Variants in SUGCT observed in about 807,000 individuals in gnomAD.
The protein encoded by SUGCT is succinyl-CoA:glutarate CoA-transferase.
Under a neutral mutation model 55.0 loss-of-function variants are expected in SUGCT, and 41 were observed. The ratio of observed to expected loss-of-function variants is 0.74; its 90% CI spans 0.58 to 0.97. The LOEUF (loss-of-function observed/expected upper bound fraction) is 0.97. Among genes scored for constraint, SUGCT ranks in the 50% least tolerant of loss-of-function variants. The pLI is 0.00. For synonymous variants in SUGCT, 187 were observed against 200.4 expected (o/e 0.93, Z 0.56); for missense variants, 568 against 547.8 (o/e 1.04, Z -0.37).
intron 11 of SUGCT, among the ~76,000 whole-genome samples, chr7:40,485,232 C>T (rs1236186251): frequency 6.6e-6 from 1 of 151,798 alleles, no homozygotes; most frequent in Non-Finnish European, 1.5e-5. Flanking sequence ...TAGCACACTT[C>T]CTGTGTTTGT....
In SUGCT at chr7:40,829,498, C is replaced by G. The variant is rs749286036; in HGVS notation, c.1154-30818C>G. ...GGCAAAATGTTCACAAGTTAGAAATCTGGGTGGAGTGTCAGTTATTTTATT... is the reference window on the plus strand; with the variant it reads ...GGCAAAATGTTCACAAGTTAGAAATGTGGGTGGAGTGTCAGTTATTTTATT... On this transcript the variant is annotated intron_variant, in intron 13 of 13. Transcript: ENST00000335693. Among the ~76,000 whole-genome samples, 4 of 152,174 alleles carry G rather than the reference C, an allele frequency of 2.6e-5. No individual in the cohort carries two copies. In the East Asian group the frequency reaches 7.7e-4, roughly 29 times the overall value.
intron 8 of SUGCT, among the ~76,000 whole-genome samples, chr7:40,294,790 G>A (rs1411717851): frequency 3.3e-5 from 5 of 152,086 alleles, no homozygotes; most frequent in African/African-American, 9.7e-5. Flanking sequence ...CAGGTGGTCC[G>A]CACACCTCAG....
chr7:40,436,694 A>T (rs546874187), intron 9 of SUGCT, among the ~76,000 whole-genome samples: 1 of 152,314 alleles, frequency 6.6e-6, no homozygotes, highest in South Asian at 2.1e-4. Flanking sequence ...GAGATACAAC[A>T]AAGAGTACTT....
intron 12 of SUGCT, among the ~76,000 whole-genome samples, chr7:40,585,381 C>T (rs1479033877): frequency 2.0e-5 from 3 of 152,152 alleles, no homozygotes; most frequent in Non-Finnish European, 4.4e-5. Flanking sequence ...GCCTTCTTCT[C>T]TGAAAACACA....
At chr7:40,613,256 G>C (rs1798847255) in intron 12 of SUGCT, among the ~76,000 whole-genome samples, 1 of 152,160 alleles carries the variant, frequency 6.6e-6, no homozygotes. Flanking sequence ...GGTTTTGGTG[G>C]GGGCCGTCAC....
chr7:40,945,719 G>C, the SUGCT span, among the ~76,000 whole-genome samples: 1 of 152,072 alleles, frequency 6.6e-6, no homozygotes, highest in South Asian at 2.1e-4. Context: ...GTTCCCATGG[G>C]GTGCTCCCTT....
intron 12 of SUGCT, among the ~76,000 whole-genome samples, chr7:40,747,101 A>G (rs1787771481): frequency 6.6e-6 from 1 of 152,204 alleles, no homozygotes; most frequent in South Asian, 2.1e-4. Context: ...GAATTAAATT[A>G]TAGCACAATT....
chr7:40,471,586 T>C (rs1348678384), intron 11 of SUGCT, among the ~76,000 whole-genome samples: 1 of 152,016 alleles, frequency 6.6e-6, no homozygotes, highest in African/African-American at 2.4e-5. Flanking sequence ...GAAGACTAAA[T>C]ATTATAGTGA....
At chr7:40,199,987 G>T (rs1024325321) in intron 6 of SUGCT, among the ~76,000 whole-genome samples, 18 of 152,142 alleles carry the variant, frequency 1.2e-4, no homozygotes, top group African/African-American at 3.9e-4. Context: ...TAACCCTGGG[G>T]AGTGGGGAGG....
intron 12 of SUGCT, among the ~76,000 whole-genome samples, chr7:40,567,013 C>A (rs1002215661): frequency 6.6e-6 from 1 of 152,322 alleles, no homozygotes. Flanking sequence ...CCTGTCCCCC[C>A]AAAAGCCACA....
At chr7:40,443,469 G>A (rs1165815094) in intron 9 of SUGCT, among the ~76,000 whole-genome samples, 1 of 152,082 alleles carries the variant, frequency 6.6e-6, no homozygotes, top group East Asian at 1.9e-4. Flanking sequence ...TTCTCTGATG[G>A]CCAGTGATGA....
intron 9 of SUGCT, among the ~76,000 whole-genome samples, chr7:40,412,008 G>A (rs1253904637): frequency 1.3e-5 from 2 of 152,098 alleles, no homozygotes; most frequent in African/African-American, 4.8e-5. Flanking sequence ...CCTCCTTTAG[G>A]CCCACGCCAT....
intron 12 of SUGCT, among the ~76,000 whole-genome samples, chr7:40,672,396 T>C (rs531337414): frequency 2.0e-5 from 3 of 152,166 alleles, no homozygotes; most frequent in South Asian, 2.1e-4. Context: ...AAACAAACTA[T>C]TGATACCTGC....
intron 8 of SUGCT, among the ~76,000 whole-genome samples, chr7:40,300,892 T>C (rs1014016346): frequency 2.6e-5 from 4 of 152,212 alleles, no homozygotes; most frequent in African/African-American, 9.6e-5. Context: ...CAGTGGGATA[T>C]TCTCAGTGTT....
At chr7:40,698,481 G>A (rs1467039405) in intron 12 of SUGCT, among the ~76,000 whole-genome samples, 2 of 152,146 alleles carry the variant, frequency 1.3e-5, no homozygotes, top group East Asian at 1.9e-4. Context: ...CTCCCTTAGG[G>A]TTAGACATCC....
chr7:40,522,755 G>A (rs930746192), intron 12 of SUGCT, among the ~76,000 whole-genome samples: 1 of 151,968 alleles, frequency 6.6e-6, no homozygotes, highest in African/African-American at 2.4e-5. Flanking sequence ...GTTGCTATAC[G>A]AATAACCCAC....
chr7:40,878,650 T>C, the SUGCT span, among the ~76,000 whole-genome samples: 1 of 152,322 alleles, frequency 6.6e-6, no homozygotes, highest in South Asian at 2.1e-4. Flanking sequence ...GATATCATTC[T>C]GTGTGCAGAT....
chr7:40,690,553 G>C (rs1784648952), intron 12 of SUGCT, among the ~76,000 whole-genome samples: 1 of 151,946 alleles, frequency 6.6e-6, no homozygotes, highest in Admixed American at 6.6e-5. Context: ...AAGATATAGA[G>C]AGATCAATTC....
At position 40,250,215 on chromosome 7, in the gene SUGCT, T is replaced by C. The variant is rs182755066; in HGVS notation, c.576+12489T>C. ...GAGTTCGAGACCAGCCTGGGCAACA[T>C]GGCGAAACCCCATGACTACAAAAAA... On this transcript the variant is annotated intron_variant, in intron 7 of 13. Transcript: ENST00000335693. Among the ~76,000 whole-genome samples the C allele has an allele frequency of 6.9e-4, 104 of 151,718 alleles. 1 individual carries two copies. The East Asian group carries it at 0.019, about 28-fold the overall frequency.
Sources: allele counts gnomAD v4.1 joint callset (sites outside exome capture counted in the v4.1 genomes callset), GRCh38; gene constraint gnomAD v4.1.1; transcripts MANE v1.5; gene names NCBI Gene and HGNC (gene_info 2026-07-23, HGNC 2026-07-21).